CTNNA2: variants seen among roughly 807,000 people sequenced by gnomAD.
CTNNA2 encodes catenin alpha-2.
In CTNNA2, 42 loss-of-function variants were observed where a neutral mutation model predicts 101.0. The ratio of observed to expected loss-of-function variants is 0.42; its 90% CI spans 0.32 to 0.54. CTNNA2 has a LOEUF of 0.54. Among genes scored for constraint, CTNNA2 ranks in the 20% least tolerant of loss-of-function variants. The pLI is 0.14. For missense variants in CTNNA2, 871 were observed against 1,223.1 expected (o/e 0.71, Z 4.29); for synonymous variants, 450 against 456.4 (o/e 0.99, Z 0.18).
chr2:79,565,794 A>G (rs1452522804), intron 1 of CTNNA2, among the ~76,000 whole-genome samples: 1 of 152,104 alleles, frequency 6.6e-6, no homozygotes, highest in African/African-American at 2.4e-5. Context: ...AGAAACATAC[A>G]GGAGGTTGTT....
chr2:80,005,591 G>A lies in CTNNA2; in HGVS notation c.1056+95794G>A, dbSNP rs548401103. Among the ~76,000 whole-genome samples the A allele has an allele frequency of 1.1e-4, 17 of 152,244 alleles. No homozygotes were observed. The East Asian group carries it at 3.1e-3, about 28-fold the overall frequency. ...CACCAGCCTGGGTCGGCCAAGGAGTGGCATTTGGAAAGAAAATCCTAGAAA... is the reference window on the plus strand; with the variant it reads ...CACCAGCCTGGGTCGGCCAAGGAGTAGCATTTGGAAAGAAAATCCTAGAAA... On this transcript the variant is annotated intron_variant, in intron 7 of 18. Coordinates refer to ENST00000402739, the MANE Select transcript of CTNNA2 (RefSeq NM_001282597.3).
rs1175422253 is a variant in CTNNA2 at position 79,513,063 on chromosome 2, A to G, written c.-150A>G. 1.3e-5 allele frequency: 2 copies of G among 152,130 alleles called. No individual in the cohort carries two copies. Among genetic ancestry groups the G allele is most frequent in the African/African-American group, 4.8e-5 (2 of 41,352 alleles). 9.4% of individuals were successfully genotyped at this position (152,130 alleles called of 1,614,324 possible). On this transcript the variant is annotated 5_prime_UTR_variant, in exon 1 of 19. Coordinates refer to ENST00000402739, the MANE Select transcript of CTNNA2 (RefSeq NM_001282597.3). Reference sequence around the variant, plus strand: ...CAGGCGGGCGGGCAGAGCAGGCGGCACCGCACCTCGGCCAGAGGCGGCTGC... The same window carrying G: ...CAGGCGGGCGGGCAGAGCAGGCGGCGCCGCACCTCGGCCAGAGGCGGCTGC...
intron 1 of CTNNA2, among the ~76,000 whole-genome samples, chr2:79,595,245 T>C (rs1267879784): frequency 2.6e-5 from 4 of 152,190 alleles, no homozygotes; most frequent in Admixed American, 1.3e-4. Flanking sequence ...AATATATGCT[T>C]TCCTCCAGGT....
rs940511540 is a variant in CTNNA2 at position 79,537,868 on chromosome 2, T to C, written c.-6+24661T>C. 7.9e-5 allele frequency among the ~76,000 whole-genome samples: 12 copies of C among 152,094 alleles called. 1 individual carries two copies. Among genetic ancestry groups the C allele is most frequent in the Non-Finnish European group, 5.9e-5 (4 of 68,002 alleles). On this transcript the variant is annotated intron_variant, in intron 1 of 18. Coordinates refer to ENST00000402739, the MANE Select transcript of CTNNA2 (RefSeq NM_001282597.3). ...ACCAGTAGCCCCTCAGGATCTGTGG[T>C]TTTGGACATTTGGGTTTTATAATTT... is the stretch of plus-strand genomic sequence containing the variant.
intron 9 of CTNNA2, among the ~76,000 whole-genome samples, chr2:80,543,277 G>A (rs1252460327): frequency 3.9e-5 from 6 of 152,174 alleles, no homozygotes; most frequent in Admixed American, 3.9e-4. Flanking sequence ...TTGAAGTTAA[G>A]AGACCTGCAT....
At chr2:79,681,227 T>G (rs568616744) in intron 2 of CTNNA2, among the ~76,000 whole-genome samples, 34 of 152,322 alleles carry the variant, frequency 2.2e-4, no homozygotes, top group African/African-American at 7.7e-4. Flanking sequence ...CTAATTTTTT[T>G]AGAGGGCACT....
At chr2:79,388,120 G>T (rs1678125321) in intron 4 of CTNNA2, among the ~76,000 whole-genome samples, 1 of 152,202 alleles carries the variant, frequency 6.6e-6, no homozygotes, top group South Asian at 2.1e-4. Flanking sequence ...AGATATTTCT[G>T]CTAGATAATC....
chr2:80,159,455 T>C (rs1704179308), intron 7 of CTNNA2, among the ~76,000 whole-genome samples: 1 of 152,216 alleles, frequency 6.6e-6, no homozygotes, highest in Non-Finnish European at 1.5e-5. Flanking sequence ...GATAGGTATA[T>C]AGTGATATCT....
intron 2 of CTNNA2, among the ~76,000 whole-genome samples, chr2:79,705,800 C>A (rs1018776214): frequency 6.6e-6 from 1 of 152,202 alleles, no homozygotes; most frequent in Non-Finnish European, 1.5e-5. Flanking sequence ...TATTTCTCTA[C>A]TATCTAGCAC....
At chr2:79,274,903 C>G (rs1439663535) in intron 2 of CTNNA2, among the ~76,000 whole-genome samples, 1 of 151,958 alleles carries the variant, frequency 6.6e-6, no homozygotes, top group African/African-American at 2.4e-5. Context: ...AGTCAAAAAG[C>G]TGTTAAATGC....
chr2:79,826,172 T>G (rs559793170), intron 3 of CTNNA2, among the ~76,000 whole-genome samples: 2 of 151,864 alleles, frequency 1.3e-5, no homozygotes, highest in South Asian at 4.1e-4. Flanking sequence ...CAATGTAAAA[T>G]AAAAAGAAAA....
intron 7 of CTNNA2, among the ~76,000 whole-genome samples, chr2:80,245,036 A>G (rs1199897611): frequency 6.6e-6 from 1 of 152,228 alleles, no homozygotes; most frequent in Non-Finnish European, 1.5e-5. Context: ...GAAGTGCACA[A>G]AAGGATTTTC....
intron 9 of CTNNA2, among the ~76,000 whole-genome samples, chr2:80,447,672 G>A (rs1249225450): frequency 6.6e-6 from 1 of 152,128 alleles, no homozygotes; most frequent in African/African-American, 2.4e-5. Context: ...TCCCCAGTCA[G>A]GCCCTTCCCT....
chr2:79,335,247 C>T (rs1162359764), intron 3 of CTNNA2, among the ~76,000 whole-genome samples: 2 of 152,084 alleles, frequency 1.3e-5, no homozygotes, highest in Non-Finnish European at 2.9e-5. Context: ...TGAAACTCTC[C>T]CTATATGCAT....
At chr2:79,411,226 T>C (rs1023322896) in intron 4 of CTNNA2, among the ~76,000 whole-genome samples, 7 of 152,060 alleles carry the variant, frequency 4.6e-5, no homozygotes, top group African/African-American at 1.7e-4. Context: ...GGTCTATCAA[T>C]TTTGATGATC....
At chr2:79,490,044 G>T (rs942205785) in intron 4 of CTNNA2, among the ~76,000 whole-genome samples, 1 of 152,058 alleles carries the variant, frequency 6.6e-6, no homozygotes, top group Non-Finnish European at 1.5e-5. Flanking sequence ...CATTCATCTG[G>T]TGGCCTAGTT....
intron 2 of CTNNA2, among the ~76,000 whole-genome samples, chr2:79,229,930 A>G (rs1393959609): frequency 6.6e-6 from 1 of 152,166 alleles, no homozygotes; most frequent in Non-Finnish European, 1.5e-5. Context: ...GGAACTTTGA[A>G]CTTGAGAGGG....
At chr2:80,411,384 C>T (rs1235306448) in intron 8 of CTNNA2, among the ~76,000 whole-genome samples, 1 of 152,078 alleles carries the variant, frequency 6.6e-6, no homozygotes, top group Non-Finnish European at 1.5e-5. Context: ...TAGGACTCAG[C>T]ATCACTTCTA....
chr2:80,580,785 C>T (rs564987260), intron 13 of CTNNA2, among the ~76,000 whole-genome samples: 110 of 152,164 alleles, frequency 7.2e-4, no homozygotes, highest in Admixed American at 2.8e-3. Flanking sequence ...GAGGCCAATG[C>T]GGGCAGATCA....
Sources: allele counts gnomAD v4.1 joint callset (sites outside exome capture counted in the v4.1 genomes callset), GRCh38; gene constraint gnomAD v4.1.1; transcripts MANE v1.5; gene names NCBI Gene and HGNC (gene_info 2026-07-23, HGNC 2026-07-21).